Variants in ZNF230 observed in about 807,000 individuals in gnomAD.
The protein encoded by ZNF230 is zinc finger protein FDZF2.
Under a neutral mutation model 10.0 loss-of-function variants are expected in ZNF230, and 12 were observed. That is an observed-to-expected ratio of 1.20 (90% CI 0.77 to 1.95). The LOEUF (loss-of-function observed/expected upper bound fraction) is 1.95. Ranked by LOEUF, ZNF230 falls within the 30% of genes most tolerant of loss-of-function variation. The probability of loss-of-function intolerance (pLI) is 0.00; values close to 1 mark genes in which losing one functional copy is unlikely to be tolerated. For synonymous variants in ZNF230, 174 were observed against 193.6 expected (o/e 0.90, Z 0.84); for missense variants, 532 against 565.8 (o/e 0.94, Z 0.61).
rs545895481 is a variant in ZNF230, at chr19:44,012,607, A to G, written c.*1143A>G. On this transcript the variant is annotated 3_prime_UTR_variant, in exon 5 of 5. Transcript: ENST00000429154. ...ACACATTTACAAAACCCTAATGATG[A>G]ACATGTCAAAAGTGGTGACCACTAG... The G allele has an allele frequency of 6.0e-5, 25 of 416,346 alleles. No homozygotes were observed. Among genetic ancestry groups the G allele is most frequent in the South Asian group, 4.4e-4 (24 of 54,406 alleles). 25.8% of individuals were successfully genotyped at this position (416,346 alleles called of 1,614,324 possible). A position where few individuals can be genotyped will look rare whatever the true frequency, so the allele number is the denominator to read the frequency against.
rs904504994 is a variant in ZNF230 at position 44,012,161 on chromosome 19, G to C, written c.*697G>C. 2 of 299,930 alleles carry C rather than the reference G, an allele frequency of 6.7e-6. No homozygotes were observed. 18.6% of individuals were successfully genotyped at this position (299,930 alleles called of 1,614,324 possible). A position where few individuals can be genotyped will look rare whatever the true frequency, so the allele number is the denominator to read the frequency against. On this transcript the variant is annotated 3_prime_UTR_variant, in exon 5 of 5. Transcript: ENST00000429154. ...TTGACACAAGAGCAAAACTATGGAA[G>C]TGTGGCTAGGGTGATATGGCTTCAT...
chr19:44,003,371 T>A (rs1976087945), intron 1 of ZNF230: 2 of 152,236 alleles, frequency 1.3e-5, no homozygotes, highest in Non-Finnish European at 2.9e-5. Context: ...AGAACCATCC[T>A]AGTAGAATCG....
chr19:44,009,427 A>G (rs775952118), intron 4 of ZNF230: 1 of 547,892 alleles, frequency 1.8e-6, no homozygotes, highest in Non-Finnish European at 3.2e-6. Context: ...TGGTTTATTA[A>G]TGTTATTAAA....
intron 2 of ZNF230, among the ~76,000 whole-genome samples, chr19:44,007,793 C>A (rs1285243411): frequency 5.9e-5 from 9 of 152,168 alleles, no homozygotes; most frequent in Admixed American, 5.9e-4. Flanking sequence ...CAGCCTGCGC[C>A]CCCAGGCTGC....
intron 1 of ZNF230, chr19:44,004,342 TTTG>T (rs767953356): frequency 1.3e-5 from 2 of 152,254 alleles, no homozygotes; most frequent in Non-Finnish European, 2.9e-5. Flanking sequence ...TACTTCTATA[TTTG>T]TTGATAAACA....
chr19:44,007,498 A>C (rs1420542588), intron 2 of ZNF230, among the ~76,000 whole-genome samples: 1 of 152,118 alleles, frequency 6.6e-6, no homozygotes, highest in African/African-American at 2.4e-5. Flanking sequence ...TGTCCATCAG[A>C]TAGTTAGTCC....
chr19:44,011,550 C>T lies in ZNF230; in HGVS notation c.*86C>T. 3 of 1,285,092 alleles carry T rather than the reference C, an allele frequency of 2.3e-6. No homozygotes were observed. Among genetic ancestry groups the T allele is most frequent in the Non-Finnish European group, 3.2e-6 (3 of 943,594 alleles). 79.6% of individuals were successfully genotyped at this position (1,285,092 alleles called of 1,614,324 possible). ...TCAAATTGATGTAATTAGTGTATTA[C>T]CTTAAACAATTAACATTTCTTTGTT... On this transcript the variant is annotated 3_prime_UTR_variant, in exon 5 of 5. Coordinates refer to ENST00000429154, the MANE Select transcript of ZNF230 (RefSeq NM_006300.4).
chr19:44,010,398 G>T lies in ZNF230; in HGVS notation c.359G>T (p.Gly120Val). Residue 120 changes from glycine (G) to valine (V), a missense_variant, in exon 5 of 5, where the codon GGT becomes GTT. Physicochemically the swap from Gly to Val is moderately radical, Grantham distance 109. Coordinates refer to ENST00000429154, the MANE Select transcript of ZNF230 (RefSeq NM_006300.4). ...IINNSHFFEQGDVPSQVEAGL... is the reference protein window; with the variant it reads ...IINNSHFFEQVDVPSQVEAGL... ...AATAATTCTCACTTCTTTGAACAAGGTGATGTCCCCTCCCAGGTTGAGGCA... is the reference window on the plus strand; with the variant it reads ...AATAATTCTCACTTCTTTGAACAAGTTGATGTCCCCTCCCAGGTTGAGGCA... The T allele has an allele frequency of 1.9e-6, 3 of 1,614,188 alleles. No homozygotes were observed. The highest frequency in any genetic ancestry group is 1.7e-6 in the Non-Finnish European group (2 of 1,180,026).
Position 44,012,980 on chromosome 19 carries a change from T to C in ZNF230, c.*1516T>C, listed in dbSNP as rs1599853656. On this transcript the variant is annotated 3_prime_UTR_variant, in exon 5 of 5. Transcript: ENST00000429154. ...CAATCATTTGTAACTCTTCTCACACTACAGGCTGAAAATGGTTTGTTAACT... is the reference window on the plus strand; with the variant it reads ...CAATCATTTGTAACTCTTCTCACACCACAGGCTGAAAATGGTTTGTTAACT... The C allele has an allele frequency of 6.5e-6, 1 of 152,850 alleles. No individual in the cohort carries two copies. The highest frequency in any genetic ancestry group is 1.9e-4 in the East Asian group (1 of 5,212). 9.5% of individuals were successfully genotyped at this position (152,850 alleles called of 1,614,324 possible).
At chr19:44,008,279 A>G (rs373905236) in intron 2 of ZNF230, among the ~76,000 whole-genome samples, 4 of 152,266 alleles carry the variant, frequency 2.6e-5, no homozygotes, top group African/African-American at 4.8e-5. Flanking sequence ...AGGACACTGC[A>G]TAACTAGCAC....
chr19:44,010,812 G>C lies in ZNF230; in HGVS notation c.773G>C (p.Gly258Ala), dbSNP rs767743066. Residue 258 changes from glycine (G) to alanine (A), a missense_variant, in exon 5 of 5, where the codon GGG becomes GCG. Coordinates refer to ENST00000429154, the MANE Select transcript of ZNF230 (RefSeq NM_006300.4). ...GEKPYICEKC[G>A]RAFIHDFQLQ... ...AAACCTTATATTTGTGAGAAATGTG[G>C]GAGGGCCTTCATTCACGATTTCCAG... The C allele has an allele frequency of 6.2e-7, 1 of 1,614,062 alleles. No homozygotes were observed. The highest frequency in any genetic ancestry group is 8.5e-7 in the Non-Finnish European group (1 of 1,180,034).
chr19:44,009,908 T>C (rs1976158507), intron 4 of ZNF230, among the ~76,000 whole-genome samples: 2 of 152,266 alleles, frequency 1.3e-5, no homozygotes, highest in South Asian at 4.1e-4. Flanking sequence ...CTATTGATTT[T>C]GTTATTGTTT....
Position 44,011,446 on chromosome 19 carries a change from A to G in ZNF230, c.1407A>G (p.Leu469=), listed in dbSNP as rs1976182619. 2 of 1,591,372 alleles carry G rather than the reference A, an allele frequency of 1.3e-6. No individual in the cohort carries two copies. The highest frequency in any genetic ancestry group is 1.7e-6 in the Non-Finnish European group (2 of 1,171,432). The stretch of plus-strand genomic sequence containing the variant: ...TGAATCTGGATATAATTTTATCATT[A>G]TTTTTAAATGATATGTAAGTTGTAC... The part of the protein sequence containing the change: ...RRLNLDIILS[L]FLNDM The change falls in exon 5 of 5, where the codon TTA becomes TTG. Residue 469 remains leucine (L), a synonymous_variant. Coordinates refer to ENST00000429154, the MANE Select transcript of ZNF230 (RefSeq NM_006300.4).
Position 44,013,341 on chromosome 19 carries a change from G to A in ZNF230, c.*1877G>A, listed in dbSNP as rs1487273886. 3 of 152,110 alleles carry A rather than the reference G, an allele frequency of 2.0e-5. No individual in the cohort carries two copies. Among genetic ancestry groups the A allele is most frequent in the Non-Finnish European group, 2.9e-5 (2 of 68,014 alleles). The allele number at this position is 152,110 out of a possible 1,614,324, so 9.4% of individuals were successfully genotyped here. A position where few individuals can be genotyped will look rare whatever the true frequency, so the allele number is the denominator to read the frequency against. ...ATTTCATGAAATGTATCCATGATTGGGGTAGGAGTGACATTTACATGCTCT... is the reference window on the plus strand; with the variant it reads ...ATTTCATGAAATGTATCCATGATTGAGGTAGGAGTGACATTTACATGCTCT... On this transcript the variant is annotated 3_prime_UTR_variant, in exon 5 of 5. Transcript: ENST00000429154.
At chr19:44,006,171 C>T (rs569606574) in intron 1 of ZNF230, among the ~76,000 whole-genome samples, 14 of 151,638 alleles carry the variant, frequency 9.2e-5, no homozygotes, top group African/African-American at 3.2e-4. Flanking sequence ...ATGAGGTTTC[C>T]TCTTTATTGC....
intron 1 of ZNF230, among the ~76,000 whole-genome samples, chr19:44,006,004 T>A (rs1005578589): frequency 1.1e-4 from 17 of 152,324 alleles, no homozygotes; most frequent in African/African-American, 4.1e-4. Flanking sequence ...CACAGTTTCT[T>A]TAGTCTAGAA....
At chr19:44,006,983 C>G in intron 1 of ZNF230, 28 bp from the exon 2 acceptor site, 1 of 1,043,504 alleles carries the variant, frequency 9.6e-7, no homozygotes, top group Non-Finnish European at 1.5e-6. Flanking sequence ...TTTCATGTCT[C>G]TCTTTTGCTG....
At chr19:44,009,772 G>A (rs559741604) in intron 4 of ZNF230, among the ~76,000 whole-genome samples, 33 of 152,246 alleles carry the variant, frequency 2.2e-4, no homozygotes, top group African/African-American at 7.5e-4. Flanking sequence ...CAAAGACACT[G>A]TCCTCCCGCA....
Position 44,013,304 on chromosome 19 carries a change from C to T in ZNF230, c.*1840C>T, listed in dbSNP as rs867108280. 9 of 152,248 alleles carry T rather than the reference C, an allele frequency of 5.9e-5. No individual in the cohort carries two copies. The highest frequency in any genetic ancestry group is 3.4e-3 in the Middle Eastern group (1 of 292). 9.4% of individuals were successfully genotyped at this position (152,248 alleles called of 1,614,324 possible). A position where few individuals can be genotyped will look rare whatever the true frequency, so the allele number is the denominator to read the frequency against. ...CTATGAAATACCAAGAGAAACCTAT[C>T]GGAGTTTGGTAATTTCATGAAATGT... is the stretch of plus-strand genomic sequence containing the variant. On this transcript the variant is annotated 3_prime_UTR_variant, in exon 5 of 5. Coordinates refer to ENST00000429154, the MANE Select transcript of ZNF230 (RefSeq NM_006300.4).
Sources: allele counts gnomAD v4.1 joint callset (sites outside exome capture counted in the v4.1 genomes callset), GRCh38; gene constraint gnomAD v4.1.1; transcripts MANE v1.5; gene names NCBI Gene and HGNC (gene_info 2026-07-23, HGNC 2026-07-21).